Variants in CENPL observed in about 807,000 individuals in gnomAD.
The protein encoded by CENPL is interphase centromere complex protein 33.
A neutral mutation model predicts 35.2 loss-of-function variants in CENPL; 20 were observed. The ratio of observed to expected loss-of-function variants is 0.57; its 90% CI spans 0.40 to 0.83. The LOEUF is 0.83. Among genes scored for constraint, CENPL ranks in the 40% least tolerant of loss-of-function variants. CENPL has a pLI of 0.00. For missense variants in CENPL, 363 were observed against 395.8 expected (o/e 0.92, Z 0.70); for synonymous variants, 140 against 140.6 (o/e 1.00, Z 0.03).
chr1:173,823,429 G>C (rs1438951193), intron 2 of CENPL: 2 of 152,916 alleles, frequency 1.3e-5, no homozygotes, highest in Admixed American at 1.3e-4. Flanking sequence ...TGGGAGTGAA[G>C]AAAGTTCCAG....
rs1650224861 is a variant in CENPL at position 173,806,373 on chromosome 1, C to A, written c.420+894G>T. 3 of 392,674 alleles carry A rather than the reference C, an allele frequency of 7.6e-6. No individual in the cohort carries two copies. The Admixed American group carries it at 8.1e-5, about 11-fold the overall frequency. 24.3% of individuals were successfully genotyped at this position (392,674 alleles called of 1,614,324 possible). A position where few individuals can be genotyped will look rare whatever the true frequency, so the allele number is the denominator to read the frequency against. Reference sequence around the variant, plus strand: ...GGCCAAGGTGGGTGGATCACTTGAGCCCAGGAGTTCAAGACCAACCTGGGC... The same window carrying A: ...GGCCAAGGTGGGTGGATCACTTGAGACCAGGAGTTCAAGACCAACCTGGGC... On this transcript the variant is annotated intron_variant, in intron 4 of 5. Transcript: ENST00000682279.
chr1:173,806,474 C>T (rs1025557763), intron 4 of CENPL: 1 of 443,688 alleles, frequency 2.3e-6, no homozygotes, highest in Non-Finnish European at 4.5e-6. Context: ...GTCCCAGCTA[C>T]TTGGAAGGCT....
intron 2 of CENPL, chr1:173,822,160 T>G (rs1652014189): frequency 6.6e-6 from 1 of 152,200 alleles, no homozygotes; most frequent in Non-Finnish European, 1.5e-5. Flanking sequence ...AATATTTTAC[T>G]AGAAATCTTC....
intron 2 of CENPL, among the ~76,000 whole-genome samples, chr1:173,816,423 G>A (rs528752095): frequency 9.2e-5 from 14 of 152,178 alleles, no homozygotes; most frequent in African/African-American, 7.2e-5. Flanking sequence ...ATGCCACCTC[G>A]CTTTAAACTA....
chr1:173,802,905 T>C lies in CENPL; in HGVS notation c.963+58A>G. ...AATTGAGTGGACAATACAATCATCA[T>C]ACATTTTTAAAACCATAAAACAAGG... On this transcript the variant is annotated intron_variant, in intron 5 of 5. Transcript: ENST00000682279. 1.1e-5 allele frequency: 12 copies of C among 1,142,162 alleles called. No individual in the cohort carries two copies. The South Asian group carries it at 1.2e-4, about 12-fold the overall frequency. 70.8% of individuals were successfully genotyped at this position (1,142,162 alleles called of 1,614,324 possible).
Position 173,818,758 on chromosome 1 carries a change from CCT to C in CENPL, c.-8+5166_-8+5167del, listed in dbSNP as rs564573132. Among the ~76,000 whole-genome samples, 311 of 152,228 alleles carry C rather than the reference CCT, an allele frequency of 2.0e-3. 1 individual carries two copies. Among genetic ancestry groups the C allele is most frequent in the African/African-American group, 6.8e-3 (284 of 41,528 alleles). On this transcript the variant is annotated intron_variant, in intron 2 of 5. Transcript: ENST00000682279. ...CCAGTCTGTACCACTCATTTTAGCCCCTGTTCATATACTTCCTTGTACCATTT... is the reference window on the plus strand; with the variant it reads ...CCAGTCTGTACCACTCATTTTAGCCCGTTCATATACTTCCTTGTACCATTT...
chr1:173,818,002 C>T (rs949363182), intron 2 of CENPL, among the ~76,000 whole-genome samples: 2 of 151,776 alleles, frequency 1.3e-5, no homozygotes, highest in South Asian at 2.1e-4. Context: ...CGGGGCCTGT[C>T]GAGGGGTCAG....
chr1:173,812,888 G>C (rs755814103), intron 2 of CENPL, among the ~76,000 whole-genome samples: 1 of 152,136 alleles, frequency 6.6e-6, no homozygotes, highest in African/African-American at 2.4e-5. Context: ...AGCTAAAGGA[G>C]CATGTTGTAA....
intron 3 of CENPL, 80 bp downstream of exon 3, chr1:173,811,052 C>CTA: frequency 7.6e-7 from 1 of 1,313,176 alleles, no homozygotes; most frequent in Non-Finnish European, 1.1e-6. Context: ...ACTAAGAATA[C>CTA]TATAGTTACA....
At chr1:173,817,037 C>T (rs1206365415) in intron 2 of CENPL, among the ~76,000 whole-genome samples, 1 of 152,058 alleles carries the variant, frequency 6.6e-6, no homozygotes, top group Non-Finnish European at 1.5e-5. Context: ...ACTTGGGAGG[C>T]TGAGGCAGGA....
rs1170613569 is a variant in CENPL at position 173,824,315 on chromosome 1, C to T, written c.-205G>A. The T allele has an allele frequency of 6.6e-6, 1 of 152,280 alleles. No homozygotes were observed. The allele number at this position is 152,280 out of a possible 1,614,324, so 9.4% of individuals were successfully genotyped here. A position where few individuals can be genotyped will look rare whatever the true frequency, so the allele number is the denominator to read the frequency against. Reference sequence around the variant, plus strand: ...CCCGTCCCTCTCCAGCTGAGCCTGTCAGAGACCAGCCCAGCTCTGAAATCA... The same window carrying T: ...CCCGTCCCTCTCCAGCTGAGCCTGTTAGAGACCAGCCCAGCTCTGAAATCA... On this transcript the variant is annotated 5_prime_UTR_variant, in exon 1 of 6. Coordinates refer to ENST00000682279, the MANE Select transcript of CENPL (RefSeq NM_001387287.1).
intron 3 of CENPL, among the ~76,000 whole-genome samples, chr1:173,810,305 A>C (rs1375526154): frequency 6.6e-6 from 1 of 152,178 alleles, no homozygotes; most frequent in Admixed American, 6.6e-5. Context: ...GTGGGAGCTA[A>C]ATGATGAGAA....
chr1:173,810,485 C>A lies in CENPL; in HGVS notation c.168+647G>T, dbSNP rs191822218. 3.9e-5 allele frequency among the ~76,000 whole-genome samples: 6 copies of A among 151,902 alleles called. No individual in the cohort carries two copies. In the East Asian group the frequency reaches 1.2e-3, roughly 29 times the overall value. Reference sequence around the variant, plus strand: ...GACGCACGTTTACCTAGAAAACAAACCTGCACATCCTGCACATATACCCCT... The same window carrying A: ...GACGCACGTTTACCTAGAAAACAAAACTGCACATCCTGCACATATACCCCT... On this transcript the variant is annotated intron_variant, in intron 3 of 5. Coordinates refer to ENST00000682279, the MANE Select transcript of CENPL (RefSeq NM_001387287.1).
chr1:173,812,592 C>A (rs1250137118), intron 2 of CENPL, among the ~76,000 whole-genome samples: 1 of 152,154 alleles, frequency 6.6e-6, no homozygotes, highest in Non-Finnish European at 1.5e-5. Context: ...ACCTGACTGA[C>A]AGAAGGAAAA....
intron 2 of CENPL, among the ~76,000 whole-genome samples, chr1:173,819,269 A>T (rs9425422): frequency 0.091 from 13,833 of 152,048 alleles, 2,035 homozygotes; most frequent in African/African-American, 0.31. Flanking sequence ...TACAATTTTC[A>T]TTAAAAGGAA....
chr1:173,802,792 A>G (rs1649869978), intron 5 of CENPL, among the ~76,000 whole-genome samples, 171 bp downstream of exon 5: 2 of 152,242 alleles, frequency 1.3e-5, no homozygotes, highest in Admixed American at 6.5e-5. Context: ...TTATAAGGCT[A>G]TATCTAGAAG....
chr1:173,811,907 C>T (rs1650867089), intron 2 of CENPL, among the ~76,000 whole-genome samples: 1 of 152,240 alleles, frequency 6.6e-6, no homozygotes, highest in Admixed American at 6.5e-5. Context: ...TTTCCCTTTC[C>T]TAGCCAAGGG....
intron 3 of CENPL, among the ~76,000 whole-genome samples, chr1:173,807,958 T>C (rs2102577410): frequency 6.6e-6 from 1 of 152,380 alleles, no homozygotes; most frequent in South Asian, 2.1e-4. Context: ...AGCAGTGATT[T>C]TGTCTATTTA....
chr1:173,818,156 A>T (rs527680857), intron 2 of CENPL, among the ~76,000 whole-genome samples: 2 of 152,276 alleles, frequency 1.3e-5, no homozygotes, highest in East Asian at 1.9e-4. Context: ...AGTATAATTT[A>T]AAAAATAAAA....
Sources: gnomAD v4.1 joint callset for allele counts (sites outside exome capture counted in the v4.1 genomes callset) on GRCh38, gnomAD v4.1.1 for gene constraint, MANE v1.5 for transcripts, NCBI Gene and HGNC (gene_info 2026-07-23, HGNC 2026-07-21) for gene names.